CBFA2T3: variants seen among roughly 807,000 people sequenced by gnomAD.
CBFA2T3 encodes CBFA2/RUNX1 partner transcriptional co-repressor 3, also known as transcriptional corepressor CBFA2T3.
Under a neutral mutation model 58.6 loss-of-function variants are expected in CBFA2T3, and 31 were observed. That is an observed-to-expected ratio of 0.53 (90% CI 0.40 to 0.71). CBFA2T3 has a LOEUF of 0.71. Ranked by LOEUF, CBFA2T3 falls within the 30% of genes least tolerant of loss-of-function variation. The probability of loss-of-function intolerance (pLI) is 0.00; values close to 1 mark genes in which losing one functional copy is unlikely to be tolerated. For missense variants in CBFA2T3, 1,076 were observed against 963.1 expected, an observed-to-expected ratio of 1.12 and a Z score of -1.55; for synonymous variants, 531 against 421.9, an observed-to-expected ratio of 1.26 and a Z score of -3.17.
At chr16:88,884,840 G>T in intron 7 of CBFA2T3, 2 of 476,084 alleles carry the variant, frequency 4.2e-6, no homozygotes. Context: ...ACCCCGGGGG[G>T]AGAGGTGGGT....
intron 1 of CBFA2T3, among the ~76,000 whole-genome samples, chr16:88,926,898 T>A (rs928454709): frequency 2.1e-4 from 32 of 152,156 alleles, no homozygotes; most frequent in African/African-American, 7.0e-4. Context: ...GGCAGCCCCG[T>A]CCGGCCCCCG....
chr16:88,896,785 C>T (rs780506696), intron 3 of CBFA2T3, among the ~76,000 whole-genome samples: 6 of 152,166 alleles, frequency 3.9e-5, no homozygotes, highest in East Asian at 1.9e-4. Flanking sequence ...CCCTGCCCAC[C>T]GCCCCGGCCA....
chr16:88,968,336 C>T (rs1972564759), intron 1 of CBFA2T3, among the ~76,000 whole-genome samples: 1 of 152,238 alleles, frequency 6.6e-6, no homozygotes, highest in Non-Finnish European at 1.5e-5. Flanking sequence ...GTCTCCCTTC[C>T]CACCCGCCGC....
chr16:88,973,998 C>T (rs757690371), intron 1 of CBFA2T3, among the ~76,000 whole-genome samples: 32 of 152,346 alleles, frequency 2.1e-4, no homozygotes, highest in Admixed American at 5.2e-4. Flanking sequence ...GATCCCACGT[C>T]GTCCCTCTAA....
chr16:88,950,050 C>T (rs555646792), intron 1 of CBFA2T3, among the ~76,000 whole-genome samples: 36 of 152,206 alleles, frequency 2.4e-4, no homozygotes, highest in African/African-American at 4.6e-4. Flanking sequence ...CCGCCACTCT[C>T]GAAGTCACAC....
chr16:88,918,269 T>G (rs1970803164), intron 1 of CBFA2T3, among the ~76,000 whole-genome samples: 1 of 152,236 alleles, frequency 6.6e-6, no homozygotes, highest in African/African-American at 2.4e-5. Context: ...GGCACCAAGC[T>G]GGGCCCTCCC....
chr16:88,956,304 C>G (rs1376345130), intron 1 of CBFA2T3, among the ~76,000 whole-genome samples: 1 of 152,266 alleles, frequency 6.6e-6, no homozygotes, highest in African/African-American at 2.4e-5. Context: ...GCACACGGAG[C>G]TCATGGCCTG....
chr16:88,972,077 C>A (rs1413018077), intron 1 of CBFA2T3, among the ~76,000 whole-genome samples: 1 of 152,236 alleles, frequency 6.6e-6, no homozygotes, highest in African/African-American at 2.4e-5. Context: ...TTCCTAGGTG[C>A]TGATTCAAGG....
intron 1 of CBFA2T3, among the ~76,000 whole-genome samples, chr16:88,911,447 C>T (rs144127840): frequency 0.012 from 1,902 of 152,314 alleles, 8 homozygotes; most frequent in East Asian, 0.021. Context: ...AAAAGGCTTT[C>T]GTAAACTCAA....
chr16:88,924,936 G>A (rs1363541252), intron 1 of CBFA2T3, among the ~76,000 whole-genome samples: 6 of 152,352 alleles, frequency 3.9e-5, no homozygotes, highest in South Asian at 4.1e-4. Flanking sequence ...CCGCCACCAC[G>A]TGTGGGTGCA....
chr16:88,909,407 G>A (rs1217114122), intron 1 of CBFA2T3, among the ~76,000 whole-genome samples: 1 of 152,210 alleles, frequency 6.6e-6, no homozygotes, highest in Admixed American at 6.5e-5. Context: ...ATGAATGCAC[G>A]CGTGGCAGTC....
chr16:88,954,519 G>A (rs1972166046), intron 1 of CBFA2T3, among the ~76,000 whole-genome samples: 1 of 125,532 alleles, frequency 8.0e-6, no homozygotes, highest in Non-Finnish European at 1.6e-5. Flanking sequence ...CCTCAGCCAA[G>A]GCTCCTGACT....
intron 1 of CBFA2T3, among the ~76,000 whole-genome samples, chr16:88,918,488 G>A (rs988638914): frequency 2.6e-5 from 4 of 152,210 alleles, no homozygotes; most frequent in Non-Finnish European, 4.4e-5. Flanking sequence ...TCCTGGACAG[G>A]GTGGGGCTCC....
At chr16:88,956,576 A>G (rs572372582) in intron 1 of CBFA2T3, among the ~76,000 whole-genome samples, 1 of 152,318 alleles carries the variant, frequency 6.6e-6, no homozygotes, top group Admixed American at 6.5e-5. Context: ...CCCAGAAAGC[A>G]TTTGTCTAGA....
chr16:88,879,637 T>A, intron 10 of CBFA2T3, 177 bp from the exon 11 acceptor site: 2 of 604,734 alleles, frequency 3.3e-6, no homozygotes, highest in Non-Finnish European at 5.9e-6. Flanking sequence ...ACACGTAGCA[T>A]CTGTGCACAC....
rs1030013078 is a variant in CBFA2T3 at position 88,913,055 on chromosome 16, C to T, written c.152-11399G>A. Among the ~76,000 whole-genome samples the T allele has an allele frequency of 5.3e-5, 8 of 152,366 alleles. 1 individual carries two copies. The highest frequency in any genetic ancestry group is 1.9e-4 in the African/African-American group (8 of 41,596). On this transcript the variant is annotated intron_variant, in intron 1 of 11. Coordinates refer to ENST00000268679, the MANE Select transcript of CBFA2T3 (RefSeq NM_005187.6). ...AGCCCCTGCCCTTTCGATGGGATTG[C>T]AGCTCTTCCAGTGCAGAGGCGGGGT...
At chr16:88,968,349 G>A (rs904705824) in intron 1 of CBFA2T3, among the ~76,000 whole-genome samples, 3 of 152,216 alleles carry the variant, frequency 2.0e-5, no homozygotes, top group African/African-American at 4.8e-5. Flanking sequence ...CCCGCCGCCC[G>A]GAGAGCCCCC....
At position 88,876,862 on chromosome 16, in the gene CBFA2T3, C is replaced by T. The variant is rs1968850716; in HGVS notation, c.*114G>A. The T allele has an allele frequency of 1.2e-5, 10 of 824,630 alleles. No homozygotes were observed. The highest frequency in any genetic ancestry group is 3.7e-4 in the Middle Eastern group (1 of 2,670). 51.1% of individuals were successfully genotyped at this position (824,630 alleles called of 1,614,324 possible). ...AATTGGTCGGCTCCCCCAGGTCAGG[C>T]GGGGCGCAGTGTCTGGCAGGCCAGG... On this transcript the variant is annotated 3_prime_UTR_variant, in exon 12 of 12. Coordinates refer to ENST00000268679, the MANE Select transcript of CBFA2T3 (RefSeq NM_005187.6).
intron 1 of CBFA2T3, among the ~76,000 whole-genome samples, chr16:88,932,212 G>A: frequency 2.1e-5 from 1 of 46,796 alleles, no homozygotes; most frequent in African/African-American, 1.0e-4. Flanking sequence ...CCCTCACACG[G>A]CCCCCGCTTC....
Sources: allele counts gnomAD v4.1 joint callset (sites outside exome capture counted in the v4.1 genomes callset), GRCh38; gene constraint gnomAD v4.1.1; transcripts MANE v1.5; gene names NCBI Gene and HGNC (gene_info 2026-07-23, HGNC 2026-07-21).